Variants in AGBL1 observed in about 807,000 individuals in gnomAD.
AGBL1 encodes the protein AGBL carboxypeptidase 1, also known as cytosolic carboxypeptidase 4.
AGBL1 carries 130 observed loss-of-function variants against 118.9 expected under a neutral mutation model. That is an observed-to-expected ratio of 1.09 (90% confidence interval 0.95 to 1.26). The LOEUF is 1.26. AGBL1 is among the 50% of genes most tolerant of loss of function. The probability of loss-of-function intolerance (pLI) is 0.00; values close to 1 mark genes in which losing one functional copy is unlikely to be tolerated. For missense variants in AGBL1, 1,584 were observed against 1,298.1 expected, an observed-to-expected ratio of 1.22 and a Z score of -3.38; for synonymous variants, 555 against 478.9, an observed-to-expected ratio of 1.16 and a Z score of -2.08.
At chr15:86,457,762 C>T (rs1484428802) in intron 18 of AGBL1, among the ~76,000 whole-genome samples, 1 of 152,074 alleles carries the variant, frequency 6.6e-6, no homozygotes, top group Non-Finnish European at 1.5e-5. Context: ...ATGAATTATC[C>T]ACTTTGACAA....
chr15:86,971,670 G>T (rs2081110111), intron 23 of AGBL1, among the ~76,000 whole-genome samples: 1 of 151,906 alleles, frequency 6.6e-6, no homozygotes, highest in Admixed American at 6.6e-5. Context: ...AATAACTGAG[G>T]TAATTTGGTA....
chr15:86,843,913 GC>G (rs1336136261), intron 22 of AGBL1, among the ~76,000 whole-genome samples: 1 of 151,916 alleles, frequency 6.6e-6, no homozygotes, highest in Non-Finnish European at 1.5e-5. Flanking sequence ...CTTAGTCCCA[GC>G]CCAGACAACT....
At chr15:86,894,810 A>C (rs2141565507) in intron 22 of AGBL1, among the ~76,000 whole-genome samples, 1 of 152,314 alleles carries the variant, frequency 6.6e-6, no homozygotes, top group East Asian at 1.9e-4. Flanking sequence ...AAGTTAAAGA[A>C]GGGAGAGGCT....
chr15:86,304,591 A>G (rs1237192723), intron 17 of AGBL1, among the ~76,000 whole-genome samples: 1 of 152,180 alleles, frequency 6.6e-6, no homozygotes, highest in African/African-American at 2.4e-5. Flanking sequence ...TTTATTCAAC[A>G]AGTAAGTGAA....
At chr15:86,274,477 A>C (rs138391106) in intron 15 of AGBL1, among the ~76,000 whole-genome samples, 1 of 152,304 alleles carries the variant, frequency 6.6e-6, no homozygotes, top group Admixed American at 6.5e-5. Flanking sequence ...CTAGTTTGTG[A>C]GGTTTAGTTT....
chr15:86,343,822 G>T (rs1006639293), intron 17 of AGBL1, among the ~76,000 whole-genome samples: 1 of 152,064 alleles, frequency 6.6e-6, no homozygotes, highest in Non-Finnish European at 1.5e-5. Context: ...TGCTGTTGCC[G>T]CTGCTCGCAG....
chr15:86,477,113 C>T (rs1337214347), intron 18 of AGBL1, among the ~76,000 whole-genome samples: 2 of 152,014 alleles, frequency 1.3e-5, no homozygotes. Flanking sequence ...GCACTCAATG[C>T]CCACAAGAGA....
rs1312151612 is a variant in AGBL1, at chr15:86,913,668, A to T, written c.*6374A>T. 1 of 152,356 alleles carries T rather than the reference A, an allele frequency of 6.6e-6. No homozygotes were observed. Among genetic ancestry groups the T allele is most frequent in the Non-Finnish European group, 1.5e-5 (1 of 68,170 alleles). 9.4% of individuals were successfully genotyped at this position (152,356 alleles called of 1,614,324 possible). A position where few individuals can be genotyped will look rare whatever the true frequency, so the allele number is the denominator to read the frequency against. ...CCCTTGAGCCCAGGAGTTTGAGACC[A>T]GCCTGGGCAACATAGTTAGACCCTG... On this transcript the variant is annotated 3_prime_UTR_variant, in exon 23 of 23. Coordinates refer to ENST00000614907, the MANE Select transcript of AGBL1 (RefSeq NM_001386094.1).
intron 18 of AGBL1, among the ~76,000 whole-genome samples, chr15:86,424,581 T>A (rs989793457): frequency 6.6e-6 from 1 of 152,138 alleles, no homozygotes; most frequent in African/African-American, 2.4e-5. Flanking sequence ...CAAAAGAAAC[T>A]ATCATCAGAG....
intron 3 of AGBL1, among the ~76,000 whole-genome samples, chr15:86,153,721 T>G (rs984535731): frequency 1.3e-5 from 2 of 152,334 alleles, no homozygotes; most frequent in African/African-American, 4.8e-5. Flanking sequence ...TTTTGACTTT[T>G]TATTATGAAA....
intron 22 of AGBL1, among the ~76,000 whole-genome samples, chr15:86,847,535 G>A (rs183355959): frequency 6.6e-6 from 1 of 152,174 alleles, no homozygotes; most frequent in Admixed American, 6.5e-5. Context: ...TTTTGTTTTT[G>A]TTTTATTCAT....
chr15:86,896,671 G>C (rs1268169197), intron 22 of AGBL1, among the ~76,000 whole-genome samples: 2 of 151,990 alleles, frequency 1.3e-5, no homozygotes, highest in Non-Finnish European at 2.9e-5. Context: ...GACTTCTGCT[G>C]TAAAAGATAA....
At chr15:86,917,863 T>C (rs2080443878), downstream of AGBL1, among the ~76,000 whole-genome samples, 2 of 133,000 alleles carry the variant, frequency 1.5e-5, no homozygotes, top group Admixed American at 1.4e-4. This position sits in a 1 kb window ranked among gnomAD's most constrained non-coding sequence, Gnocchi z 4.8. Flanking sequence ...AAGTCCTGAC[T>C]CATAAAAAAG....
At chr15:86,850,476 C>T (rs959970566) in intron 22 of AGBL1, among the ~76,000 whole-genome samples, 8 of 152,202 alleles carry the variant, frequency 5.3e-5, no homozygotes, top group Admixed American at 3.3e-4. Flanking sequence ...AGTACCCAAT[C>T]GTCCTCACAC....
At chr15:86,535,738 A>G (rs186294950) in intron 19 of AGBL1, among the ~76,000 whole-genome samples, 1 of 152,248 alleles carries the variant, frequency 6.6e-6, no homozygotes, top group African/African-American at 2.4e-5. Flanking sequence ...CCTCTGGCAT[A>G]TGTTTTGGGT....
At chr15:86,821,222 A>C (rs2141388606) in intron 22 of AGBL1, among the ~76,000 whole-genome samples, 2 of 152,238 alleles carry the variant, frequency 1.3e-5, no homozygotes, top group Middle Eastern at 6.8e-3. Context: ...GAAATACCTA[A>C]TATAGATGAC....
chr15:86,854,212 G>T lies in AGBL1; in HGVS notation c.3159-52875G>T, dbSNP rs182923748. On this transcript the variant is annotated intron_variant, in intron 22 of 22. Transcript: ENST00000614907. ...GCACTAGCCATCTTAGTTGATGGGG[G>T]TGTACATCCCTTTGTATCACTGGAG... Among the ~76,000 whole-genome samples the T allele has an allele frequency of 2.7e-3, 412 of 152,258 alleles. 3 individuals are homozygous for T. Among genetic ancestry groups the T allele is most frequent in the African/African-American group, 9.7e-3 (401 of 41,554 alleles).
At chr15:87,000,079 G>GT (rs1440057475) in intron 24 of AGBL1, among the ~76,000 whole-genome samples, 1 of 88,456 alleles carries the variant, frequency 1.1e-5, no homozygotes, top group South Asian at 4.8e-4. Context: ...GGGTTGTTTG[G>GT]TTTTTTCTTG....
At chr15:86,711,456 T>G (rs950080229) in intron 22 of AGBL1, among the ~76,000 whole-genome samples, 4 of 152,226 alleles carry the variant, frequency 2.6e-5, no homozygotes, top group African/African-American at 9.6e-5. Flanking sequence ...GGTGCTTTTC[T>G]TGTTTATAGC....
Sources: gnomAD v4.1 joint callset for allele counts (sites outside exome capture counted in the v4.1 genomes callset) on GRCh38, gnomAD v4.1.1 for gene constraint, Gnocchi (gnomAD v3.1) non-coding constraint, MANE v1.5 for transcripts, NCBI Gene and HGNC (gene_info 2026-07-23, HGNC 2026-07-21) for gene names.